SI: variants seen among roughly 807,000 people sequenced by gnomAD.
SI encodes the protein sucrase-isomaltase.
Under a neutral mutation model 253.3 loss-of-function variants are expected in SI, and 235 were observed. The ratio of observed to expected loss-of-function variants is 0.93; its 90% CI spans 0.83 to 1.03. The LOEUF is 1.03. Ranked by LOEUF, SI falls within the 50% of genes least tolerant of loss-of-function variation. The pLI is 0.00. For synonymous variants in SI, 819 were observed against 712.0 expected (o/e 1.15, Z -2.39); for missense variants, 2,442 against 2,211.1 (o/e 1.10, Z -2.09).
intron 26 of SI, among the ~76,000 whole-genome samples, chr3:165,022,916 CA>C (rs1711703218): frequency 6.6e-6 from 1 of 151,444 alleles, no homozygotes; most frequent in African/African-American, 2.4e-5. Context: ...TTAATATGAA[CA>C]TTTTTAATAG....
In SI at chr3:164,982,264, A is replaced by G; in HGVS notation, c.5394T>C (p.Phe1798=). The G allele has an allele frequency of 6.2e-7, 1 of 1,612,740 alleles. No individual in the cohort carries two copies. Among genetic ancestry groups the G allele is most frequent in the Non-Finnish European group, 8.5e-7 (1 of 1,179,166 alleles). Residue 1798 remains phenylalanine (F), a synonymous_variant, in exon 47 of 48, where the codon TTT becomes TTC. Transcript: ENST00000264382. ...TTACCATGTTGGTAGTGTCTTCATT[A>G]AAAGGAAGCGAATTTTTATTTCCGT... ...TYNGNKNSLP[F]NEDTTNMILR...
chr3:164,984,374 A>G (rs1392028255), intron 45 of SI, among the ~76,000 whole-genome samples: 1 of 152,156 alleles, frequency 6.6e-6, no homozygotes, highest in Non-Finnish European at 1.5e-5. Flanking sequence ...ATGCTAATAT[A>G]TGTATGGCTA....
At chr3:165,073,102 T>C (rs1381974629) in intron 3 of SI, among the ~76,000 whole-genome samples, 2 of 152,026 alleles carry the variant, frequency 1.3e-5, no homozygotes, top group African/African-American at 4.8e-5. Flanking sequence ...CTTTCAAATA[T>C]TGTTTCCCTA....
intron 45 of SI, among the ~76,000 whole-genome samples, chr3:164,985,680 AT>A (rs1389521975): frequency 6.6e-6 from 1 of 152,200 alleles, no homozygotes; most frequent in Non-Finnish European, 1.5e-5. Flanking sequence ...TCACACAGAT[AT>A]CAATTTTTTT....
rs753733668 is a variant in SI at position 165,046,992 on chromosome 3, G to C, written c.1736C>G (p.Pro579Arg). 6.2e-6 allele frequency: 10 copies of C among 1,607,570 alleles called. No individual in the cohort carries two copies. The highest frequency in any genetic ancestry group is 5.6e-5 in the South Asian group (5 of 89,714). ...ATEQAVQKVFPNKRSFILTRS... is the reference protein window; with the variant it reads ...ATEQAVQKVFRNKRSFILTRS... The stretch of plus-strand genomic sequence containing the variant: ...GGTAAGAATGAAGCTTCTCTTATTA[G>C]GAAAAACTTTTTGTACAGCTCTAAA... The change falls in exon 16 of 48, where the codon CCT becomes CGT. Residue 579 changes from proline (P) to arginine (R), a missense_variant. Coordinates refer to ENST00000264382, the MANE Select transcript of SI (RefSeq NM_001041.4).
At chr3:165,022,822 T>A (rs1711698818) in intron 26 of SI, among the ~76,000 whole-genome samples, 1 of 151,718 alleles carries the variant, frequency 6.6e-6, no homozygotes, top group African/African-American at 2.4e-5. Context: ...AAGATTTATA[T>A]GAAAATACTT....
rs1717678543 is a variant in SI, at chr3:164,990,495, T to C, written c.5108+858A>G. Among the ~76,000 whole-genome samples, 3 of 152,168 alleles carry C rather than the reference T, an allele frequency of 2.0e-5. No homozygotes were observed. In the South Asian group the frequency reaches 6.2e-4, roughly 32 times the overall value. Reference sequence around the variant, plus strand: ...GTTGGAAGACAGTTTTCCATGGGTCTCTTGCATTTTTATATGTCATAGGCA... The same window carrying C: ...GTTGGAAGACAGTTTTCCATGGGTCCCTTGCATTTTTATATGTCATAGGCA... On this transcript the variant is annotated intron_variant, in intron 44 of 47. Coordinates refer to ENST00000264382, the MANE Select transcript of SI (RefSeq NM_001041.4).
rs764029765 is a variant in SI, at chr3:165,015,195, AGGG to A, written c.3924_3926del (p.Pro1309del). 10 of 1,613,368 alleles carry A rather than the reference AGGG, an allele frequency of 6.2e-6. No homozygotes were observed. The highest frequency in any genetic ancestry group is 3.4e-6 in the Non-Finnish European group (4 of 1,179,630). ...CATTCTGCTGTCCTCTTTCAAATGC[AGGG>A]TAAGTCTTTGTTTCATTTCCTGAAA... On this transcript the variant is annotated inframe_deletion, in exon 33 of 48. Coordinates refer to ENST00000264382, the MANE Select transcript of SI (RefSeq NM_001041.4).
At chr3:165,043,720 C>T (rs1033126412) in intron 16 of SI, among the ~76,000 whole-genome samples, 1 of 151,902 alleles carries the variant, frequency 6.6e-6, no homozygotes, top group African/African-American at 2.4e-5. Context: ...TAGTGTTTAC[C>T]ATTTACAAAC....
At chr3:165,000,890 G>A (rs1246890218) in intron 37 of SI, among the ~76,000 whole-genome samples, 86 of 151,330 alleles carry the variant, frequency 5.7e-4, no homozygotes. Context: ...TATTTTTGTT[G>A]TGTGTTTATT....
rs1299075560 is a variant in SI at position 165,019,389 on chromosome 3, CA to C, written c.3423+212del. Among the ~76,000 whole-genome samples the C allele has an allele frequency of 3.3e-5, 5 of 151,858 alleles. No individual in the cohort carries two copies. The Admixed American group carries it at 3.3e-4, about 10-fold the overall frequency. On this transcript the variant is annotated intron_variant, in intron 28 of 47. Transcript: ENST00000264382. ...AGCCTGGCTTCTCACAGTAGTCAAGCAAATTGTTATCCATCCACTCCTCTAC... is the reference window on the plus strand; with the variant it reads ...AGCCTGGCTTCTCACAGTAGTCAAGCAATTGTTATCCATCCACTCCTCTAC...
At chr3:165,084,756 A>G in the SI span, among the ~76,000 whole-genome samples, 1 of 152,048 alleles carries the variant, frequency 6.6e-6, no homozygotes, top group African/African-American at 2.4e-5. Flanking sequence ...ATATTTGTTC[A>G]CATATTGGAA....
intron 45 of SI, among the ~76,000 whole-genome samples, chr3:164,985,127 C>A (rs1162267929): frequency 1.3e-5 from 2 of 152,066 alleles, no homozygotes; most frequent in African/African-American, 4.8e-5. Flanking sequence ...AAAAGTCTGC[C>A]ATGAAACTTG....
chr3:165,008,086 T>G, intron 35 of SI, 88 bp from the exon 36 acceptor site: 1 of 709,440 alleles, frequency 1.4e-6, no homozygotes, highest in Non-Finnish European at 2.6e-6. Flanking sequence ...GTAAGTAGGT[T>G]AACATATTTG....
upstream of SI, among the ~76,000 whole-genome samples, chr3:165,080,490 T>C (rs1417840359): frequency 6.6e-6 from 1 of 152,024 alleles, no homozygotes; most frequent in Non-Finnish European, 1.5e-5. Context: ...TAGCAAAGAC[T>C]TGGAACCAAC....
intron 12 of SI, among the ~76,000 whole-genome samples, chr3:165,057,348 A>G (rs1055368941): frequency 7.9e-5 from 12 of 152,036 alleles, no homozygotes; most frequent in African/African-American, 2.9e-4. Flanking sequence ...TGTAGAAAAT[A>G]GTCTCAAAAG....
intron 12 of SI, among the ~76,000 whole-genome samples, chr3:165,055,631 A>G (rs562593846): frequency 6.6e-6 from 1 of 152,102 alleles, no homozygotes; most frequent in East Asian, 1.9e-4. Context: ...TATTCTATAT[A>G]ATATATTTTA....
chr3:165,049,027 T>TA (rs1713287752), intron 15 of SI, 100 bp downstream of exon 15: 1 of 781,646 alleles, frequency 1.3e-6, no homozygotes, highest in South Asian at 1.4e-5. Flanking sequence ...CTTTCTTTTT[T>TA]CAACTTTGCT....
chr3:165,062,283 T>C (rs1714023782), intron 9 of SI, 88 bp downstream of exon 9: 1 of 727,376 alleles, frequency 1.4e-6, no homozygotes. Context: ...GCCCCTACTA[T>C]GTAAAATAAA....
Sources: allele counts gnomAD v4.1 joint callset (sites outside exome capture counted in the v4.1 genomes callset), GRCh38; gene constraint gnomAD v4.1.1; transcripts MANE v1.5; gene names NCBI Gene and HGNC (gene_info 2026-07-23, HGNC 2026-07-21).